Variants in SUMO2 observed in about 807,000 individuals in gnomAD.
SUMO2 encodes small ubiquitin like modifier 2.
SUMO2 carries 1 observed loss-of-function variant against 16.0 expected under a neutral mutation model. The ratio of observed to expected loss-of-function variants is 0.06; its 90% CI spans 0.02 to 0.30. The LOEUF (loss-of-function observed/expected upper bound fraction) is 0.30, where lower values mean the gene tolerates loss of function less well. Ranked by LOEUF, SUMO2 falls within the 10% of genes least tolerant of loss-of-function variation. The pLI, the probability that SUMO2 is intolerant of heterozygous loss-of-function variation, is 1.00. For missense variants in SUMO2, 16 were observed against 117.5 expected (o/e 0.14, Z 3.99); for synonymous variants, 36 against 40.6 (o/e 0.89, Z 0.43).
In SUMO2 at chr17:75,182,911, C is replaced by G; in HGVS notation, c.-77G>C. On this transcript the variant is annotated 5_prime_UTR_variant, in exon 1 of 4. Coordinates refer to ENST00000420826, the MANE Select transcript of SUMO2 (RefSeq NM_006937.4). ...CCGCACCAAACGAGCACACAAGCAG[C>G]ACCAGGAGCGGCAGAAGAAGGAGGC... The G allele has an allele frequency of 8.2e-7, 1 of 1,224,692 alleles. No homozygotes were observed. The highest frequency in any genetic ancestry group is 3.0e-5 in the South Asian group (1 of 33,292). 75.9% of individuals were successfully genotyped at this position (1,224,692 alleles called of 1,614,324 possible). A position where few individuals can be genotyped will look rare whatever the true frequency, so the allele number is the denominator to read the frequency against.
intron 2 of SUMO2, among the ~76,000 whole-genome samples, chr17:75,179,310 C>T (rs968221435): frequency 2.0e-5 from 3 of 152,136 alleles, no homozygotes; most frequent in Non-Finnish European, 2.9e-5. Context: ...AGGTGGATCA[C>T]CTGAGGTCAG....
chr17:75,178,737 T>G (rs2074804052), intron 2 of SUMO2, among the ~76,000 whole-genome samples: 1 of 151,438 alleles, frequency 6.6e-6, no homozygotes, highest in Admixed American at 6.6e-5. Flanking sequence ...ACCACCTAAT[T>G]TTTTTTTAAG....
intron 2 of SUMO2, among the ~76,000 whole-genome samples, chr17:75,177,643 T>C (rs570946570): frequency 6.6e-6 from 1 of 150,906 alleles, no homozygotes; most frequent in South Asian, 2.1e-4. Context: ...GATTGCGCCA[T>C]TGCATTCAGC....
At chr17:75,170,400 T>C (rs963757038) in intron 3 of SUMO2, among the ~76,000 whole-genome samples, 1 of 150,658 alleles carries the variant, frequency 6.6e-6, no homozygotes, top group Non-Finnish European at 1.5e-5. Context: ...TGAAACCCTG[T>C]TTCTACCAAA....
At chr17:75,176,081 C>T (rs1010583580) in intron 2 of SUMO2, among the ~76,000 whole-genome samples, 61 of 151,942 alleles carry the variant, frequency 4.0e-4, no homozygotes, top group African/African-American at 1.5e-3. Flanking sequence ...CGCTCTGTCG[C>T]CCAGGCTGGA....
rs567759060 is a variant in SUMO2 at position 75,175,131 on chromosome 17, C to T, written c.154-308G>A. Among the ~76,000 whole-genome samples, 79 of 151,916 alleles carry T rather than the reference C, an allele frequency of 5.2e-4. No individual in the cohort carries two copies. The South Asian group carries it at 0.01, about 20-fold the overall frequency. ...AAGAGTAGCTGGGACTACGGTCCCC[C>T]GCCACAACAACCGGCTAATTTTTGT... On this transcript the variant is annotated intron_variant, in intron 2 of 3. Coordinates refer to ENST00000420826, the MANE Select transcript of SUMO2 (RefSeq NM_006937.4).
chr17:75,177,933 G>T (rs2074795775), intron 2 of SUMO2, among the ~76,000 whole-genome samples: 1 of 139,658 alleles, frequency 7.2e-6, no homozygotes, highest in South Asian at 2.3e-4. Context: ...AGGTTGCAGT[G>T]AGCCGAGATT....
intron 1 of SUMO2, among the ~76,000 whole-genome samples, chr17:75,181,541 A>G (rs573985934): frequency 6.6e-6 from 1 of 152,298 alleles, no homozygotes; most frequent in African/African-American, 2.4e-5. Context: ...AGTTAAAAAT[A>G]GAGTCCCTTC....
chr17:75,169,274 C>G (rs1204289187), intron 3 of SUMO2, among the ~76,000 whole-genome samples: 1 of 152,054 alleles, frequency 6.6e-6, no homozygotes, highest in Non-Finnish European at 1.5e-5. Flanking sequence ...CACAATGGCT[C>G]ACTCCTGTAA....
intron 3 of SUMO2, among the ~76,000 whole-genome samples, chr17:75,171,824 C>T (rs1035235619): frequency 1.3e-5 from 2 of 152,000 alleles, no homozygotes; most frequent in Non-Finnish European, 2.9e-5. Context: ...GAGTACAGCA[C>T]AATAGATACT....
chr17:75,179,527 C>CAA lies in SUMO2; in HGVS notation c.153+1528_153+1529dup, dbSNP rs35348154. Among the ~76,000 whole-genome samples the CAA allele has an allele frequency of 6.6e-3, 645 of 97,156 alleles. 10 individuals are homozygous for CAA. Among genetic ancestry groups the CAA allele is most frequent in the African/African-American group, 0.021 (599 of 28,434 alleles). The allele number at this position is 97,156 out of a possible 152,430, so 63.7% of individuals were successfully genotyped here. A position where few individuals can be genotyped will look rare whatever the true frequency, so the allele number is the denominator to read the frequency against. ...TGGACAACAGAGCGAGACTCTGTCT[C>CAA]AAAAAAAAAAAAAAAAAAGGTATCT... On this transcript the variant is annotated intron_variant, in intron 2 of 3. Coordinates refer to ENST00000420826, the MANE Select transcript of SUMO2 (RefSeq NM_006937.4).
At chr17:75,175,025 A>C (rs945834837) in intron 2 of SUMO2, among the ~76,000 whole-genome samples, 4 of 152,174 alleles carry the variant, frequency 2.6e-5, no homozygotes, top group African/African-American at 9.7e-5. Flanking sequence ...TCTGTTGTCA[A>C]GGCTGAAGTG....
chr17:75,172,969 T>C (rs978452430), intron 3 of SUMO2, among the ~76,000 whole-genome samples: 4 of 152,294 alleles, frequency 2.6e-5, no homozygotes, highest in Non-Finnish European at 4.4e-5. Flanking sequence ...CTTCAAAATA[T>C]TCTTCTTTTC....
At position 75,178,626 on chromosome 17, in the gene SUMO2, C is replaced by T. The variant is rs965639085; in HGVS notation, c.153+2431G>A. ...TTCTGTCACCCACACTGGAGTGCAGCGATGAGATCATGGCTCACTGCAGCC... is the reference window on the plus strand; with the variant it reads ...TTCTGTCACCCACACTGGAGTGCAGTGATGAGATCATGGCTCACTGCAGCC... On this transcript the variant is annotated intron_variant, in intron 2 of 3. Transcript: ENST00000420826. Among the ~76,000 whole-genome samples the T allele has an allele frequency of 2.6e-5, 4 of 152,090 alleles. No homozygotes were observed. The East Asian group carries it at 5.8e-4, about 22-fold the overall frequency.
intron 3 of SUMO2, 141 bp from the exon 4 acceptor site, chr17:75,168,542 G>T: frequency 1.5e-6 from 1 of 654,960 alleles, no homozygotes; most frequent in Non-Finnish European, 2.5e-6. Flanking sequence ...ATAGCTTAAT[G>T]TATCAACACA....
rs1265593382 is a variant in SUMO2 at position 75,167,443 on chromosome 17, C to G, written c.*896G>C. 6.6e-6 allele frequency: 1 copy of G among 152,138 alleles called. No individual in the cohort carries two copies. The highest frequency in any genetic ancestry group is 1.5e-5 in the Non-Finnish European group (1 of 68,048). The allele number at this position is 152,138 out of a possible 1,614,324, so 9.4% of individuals were successfully genotyped here. On this transcript the variant is annotated 3_prime_UTR_variant, in exon 4 of 4. Transcript: ENST00000420826. Reference sequence around the variant, plus strand: ...CTTGCCACATGTGCTACCCTATACCCTATGCTCCGTGCCTCACTTAATATA... The same window carrying G: ...CTTGCCACATGTGCTACCCTATACCGTATGCTCCGTGCCTCACTTAATATA...
At chr17:75,181,256 G>A in intron 1 of SUMO2, 68 bp from the exon 2 acceptor site, 1 of 1,545,920 alleles carries the variant, frequency 6.5e-7, no homozygotes, top group Non-Finnish European at 8.9e-7. Flanking sequence ...TAAAGCAGCA[G>A]CAGCCCTAGT....
chr17:75,182,844 C>T lies in SUMO2; in HGVS notation c.-10G>A. ...GCTTTTCGTCGGCCATGGCGAGCGC[C>T]GGAGTCTCCTCAGCTGCCGCTTCAC... On this transcript the variant is annotated 5_prime_UTR_variant, in exon 1 of 4. Transcript: ENST00000420826. 1 of 1,410,964 alleles carries T rather than the reference C, an allele frequency of 7.1e-7. No homozygotes were observed. The highest frequency in any genetic ancestry group is 9.3e-7 in the Non-Finnish European group (1 of 1,075,398). The allele number at this position is 1,410,964 out of a possible 1,614,324, so 87.4% of individuals were successfully genotyped here. A position where few individuals can be genotyped will look rare whatever the true frequency, so the allele number is the denominator to read the frequency against.
chr17:75,179,015 C>G (rs2145225281), intron 2 of SUMO2, among the ~76,000 whole-genome samples: 1 of 152,268 alleles, frequency 6.6e-6, no homozygotes, highest in South Asian at 2.1e-4. Flanking sequence ...GTCTTCCAGC[C>G]TTGGCCTCCC....
Sources: gnomAD v4.1 joint callset for allele counts (sites outside exome capture counted in the v4.1 genomes callset) on GRCh38, gnomAD v4.1.1 for gene constraint, MANE v1.5 for transcripts, NCBI Gene and HGNC (gene_info 2026-07-23, HGNC 2026-07-21) for gene names.